Variants in VWF observed in about 807,000 individuals in gnomAD.
VWF encodes the protein von Willebrand factor, also known as Factor VIII related antigen.
Under a neutral mutation model 308.6 loss-of-function variants are expected in VWF, and 176 were observed. The ratio of observed to expected loss-of-function variants is 0.57; its 90% confidence interval spans 0.50 to 0.65. VWF has a LOEUF of 0.65. VWF is among the 30% of genes least tolerant of loss of function. The probability of loss-of-function intolerance (pLI) is 0.00; values close to 1 mark genes in which losing one functional copy is unlikely to be tolerated. For missense variants in VWF, 3,146 were observed against 3,648.2 expected, an observed-to-expected ratio of 0.86 and a Z score of 3.55; for synonymous variants, 1,385 against 1,443.4, an observed-to-expected ratio of 0.96 and a Z score of 0.92.
chr12:6,061,599 C>T (rs1335881065), intron 13 of VWF, among the ~76,000 whole-genome samples: 1 of 152,126 alleles, frequency 6.6e-6, no homozygotes, highest in Non-Finnish European at 1.5e-5. Flanking sequence ...CCTGCCCCTG[C>T]CACCCAGGAT....
intron 6 of VWF, among the ~76,000 whole-genome samples, chr12:6,081,698 G>A (rs1397784761): frequency 6.6e-6 from 1 of 152,106 alleles, no homozygotes; most frequent in Non-Finnish European, 1.5e-5. Flanking sequence ...GATCCTTTCA[G>A]CAGTGCACGA....
chr12:5,985,698 G>A (rs746060089), intron 38 of VWF, 33 bp from the exon 39 acceptor site: 2 of 1,595,382 alleles, frequency 1.3e-6, no homozygotes, highest in East Asian at 4.5e-5. Context: ...AAAGGGCACA[G>A]GACATTCTAG....
chr12:6,074,380 C>G (rs556420414), intron 7 of VWF, among the ~76,000 whole-genome samples: 1 of 151,700 alleles, frequency 6.6e-6, no homozygotes, highest in African/African-American at 2.4e-5. Flanking sequence ...ACTGAAAGAC[C>G]GAAACACATA....
At chr12:6,015,474 C>A (rs1343751872) in intron 31 of VWF, among the ~76,000 whole-genome samples, 1 of 151,930 alleles carries the variant, frequency 6.6e-6, no homozygotes, top group Non-Finnish European at 1.5e-5. Context: ...CGAGGGGACT[C>A]AATGTCACTC....
At position 5,996,053 on chromosome 12, in the gene VWF, G is replaced by T; in HGVS notation, c.6012C>A (p.Ser2004=). ...SPGARQGCMK[S]IEVKHSALSV... ...AGAGGGCACTGTGCTTCACCTCGAT[G>T]GATTTCATGCAGCCCTGCCTTGCTC... Residue 2004 remains serine (S), a synonymous_variant, in exon 35 of 52, where the codon TCC becomes TCA. Transcript: ENST00000261405. 6.2e-7 allele frequency: 1 copy of T among 1,613,850 alleles called. No individual in the cohort carries two copies. Among genetic ancestry groups the T allele is most frequent in the South Asian group, 1.1e-5 (1 of 91,052 alleles).
At chr12:6,055,887 G>A (rs1244290756) in intron 15 of VWF, among the ~76,000 whole-genome samples, 1 of 151,004 alleles carries the variant, frequency 6.6e-6, no homozygotes, top group Non-Finnish European at 1.5e-5. Context: ...CAATCCTCTT[G>A]CCTCAACCTC....
chr12:6,120,585 G>A (rs1447571231), intron 3 of VWF, among the ~76,000 whole-genome samples: 2 of 152,138 alleles, frequency 1.3e-5, no homozygotes, highest in Non-Finnish European at 2.9e-5. Context: ...TTACAGGCAT[G>A]AGCCACCGTG....
Position 6,110,566 on chromosome 12 carries a change from C to A in VWF, c.340G>T (p.Ala114Ser). ...QGDQRVSMPY[A>S]SKGLYLETEA... Reference sequence around the variant, plus strand: ...GTTTCTAGATACAGCCCTTTGGAGGCATAGGGCATGGAGACTCTGGAGGGC... The same window carrying A: ...GTTTCTAGATACAGCCCTTTGGAGGAATAGGGCATGGAGACTCTGGAGGGC... The change falls in exon 5 of 52, where the codon GCC becomes TCC. Residue 114 changes from alanine (A) to serine (S), a missense_variant. Around this residue, in one of 3 missense-constraint regions of VWF, gnomAD observed 1,304 missense variants for 1,353.0 expected, o/e 0.96. Coordinates refer to ENST00000261405, the MANE Select transcript of VWF (RefSeq NM_000552.5). 1.2e-6 allele frequency: 2 copies of A among 1,614,164 alleles called. No homozygotes were observed. The highest frequency in any genetic ancestry group is 1.1e-5 in the South Asian group (1 of 91,078).
intron 6 of VWF, among the ~76,000 whole-genome samples, chr12:6,095,066 G>C (rs561588683): frequency 6.6e-6 from 1 of 152,010 alleles, no homozygotes; most frequent in East Asian, 1.9e-4. Flanking sequence ...CCAAAGTGCT[G>C]GGATTACAGG....
intron 6 of VWF, among the ~76,000 whole-genome samples, chr12:6,094,535 A>G (rs1945083888): frequency 6.6e-6 from 1 of 151,754 alleles, no homozygotes; most frequent in Non-Finnish European, 1.5e-5. Flanking sequence ...ATAGTTACTT[A>G]TTGCTATGGT....
intron 8 of VWF, among the ~76,000 whole-genome samples, chr12:6,073,406 G>C (rs1944801846): frequency 6.6e-6 from 1 of 152,172 alleles, no homozygotes; most frequent in South Asian, 2.1e-4. Context: ...CTCAACACAA[G>C]TGCGTTCATG....
At chr12:5,972,869 T>G (rs1452441460) in intron 43 of VWF, among the ~76,000 whole-genome samples, 1 of 152,140 alleles carries the variant, frequency 6.6e-6, no homozygotes, top group Non-Finnish European at 1.5e-5. Flanking sequence ...AAACAAGGTC[T>G]CAGGGGGTCA....
At chr12:5,994,702 C>T (rs1444473305) in intron 35 of VWF, 95 bp from the exon 36 acceptor site, 7 of 1,085,622 alleles carry the variant, frequency 6.4e-6, no homozygotes, top group Non-Finnish European at 9.9e-6. Flanking sequence ...ATTCATCACA[C>T]TCAACTGCAA....
At chr12:5,983,033 CAG>C in intron 41 of VWF, 115 bp downstream of exon 41, 1 of 1,063,988 alleles carries the variant, frequency 9.4e-7, no homozygotes, top group South Asian at 1.4e-5. Flanking sequence ...AACCCAGATT[CAG>C]CTAGGTAGAA....
intron 43 of VWF, among the ~76,000 whole-genome samples, chr12:5,973,445 A>C (rs1345577471): frequency 6.6e-6 from 1 of 152,244 alleles, no homozygotes; most frequent in Non-Finnish European, 1.5e-5. Context: ...GCTATAACTG[A>C]AATGGAGGTG....
intron 17 of VWF, among the ~76,000 whole-genome samples, chr12:6,045,378 C>A (rs1944436792): frequency 6.6e-6 from 1 of 152,230 alleles, no homozygotes. Context: ...CCAATCTGCA[C>A]AGAATCCCAG....
At chr12:5,965,126 TC>T (rs963288288) in intron 47 of VWF, among the ~76,000 whole-genome samples, 1 of 152,140 alleles carries the variant, frequency 6.6e-6, no homozygotes, top group African/African-American at 2.4e-5. Context: ...CTTTGGGTTT[TC>T]CCCAGAACAT....
intron 47 of VWF, among the ~76,000 whole-genome samples, chr12:5,960,870 G>A (rs778697058): frequency 2.3e-4 from 35 of 152,194 alleles, no homozygotes; most frequent in Non-Finnish European, 2.8e-4. Flanking sequence ...GTACCAGTCC[G>A]GTCAGTGGCC....
intron 42 of VWF, among the ~76,000 whole-genome samples, chr12:5,976,822 T>G (rs1177116108): frequency 1.3e-5 from 2 of 151,946 alleles, no homozygotes; most frequent in Non-Finnish European, 1.5e-5. Context: ...GGTAGAGATG[T>G]GGGAAAACAG....
Sources: allele counts gnomAD v4.1 joint callset (sites outside exome capture counted in the v4.1 genomes callset), GRCh38; gene constraint gnomAD v4.1.1; regional missense constraint gnomAD v4.1.1; transcripts MANE v1.5; gene names NCBI Gene and HGNC (gene_info 2026-07-23, HGNC 2026-07-21).